DGLUCY: variants seen among roughly 807,000 people sequenced by gnomAD.
DGLUCY encodes D-glutamate cyclase, also known as D-glutamate cyclase, mitochondrial.
DGLUCY carries 58 observed loss-of-function variants against 58.5 expected under a neutral mutation model. That is an observed-to-expected ratio of 0.99 (90% CI 0.80 to 1.23). DGLUCY has a LOEUF of 1.23. Among genes scored for constraint, DGLUCY ranks in the 50% most tolerant of loss-of-function variants. DGLUCY has a pLI of 0.00. For missense variants in DGLUCY, 779 were observed against 784.7 expected (o/e 0.99, Z 0.09); for synonymous variants, 325 against 314.1 (o/e 1.03, Z -0.37).
At chr14:91,198,344 T>C (rs1435466543) in intron 10 of DGLUCY, among the ~76,000 whole-genome samples, 4 of 99,300 alleles carry the variant, frequency 4.0e-5, no homozygotes, top group Admixed American at 9.1e-5. Flanking sequence ...GTGCCCAGCC[T>C]TTTTTTTTTT....
intron 1 of DGLUCY, among the ~76,000 whole-genome samples, chr14:91,063,531 G>A (rs1029185130): frequency 6.6e-6 from 1 of 152,196 alleles, no homozygotes; most frequent in African/African-American, 2.4e-5. Flanking sequence ...TGTGATGTGA[G>A]CAATACATAC....
upstream of DGLUCY, among the ~76,000 whole-genome samples, chr14:91,103,266 A>T (rs748613124): frequency 6.6e-6 from 1 of 152,126 alleles, no homozygotes; most frequent in Non-Finnish European, 1.5e-5. Context: ...TTCTCACACC[A>T]CATGGGCTGG....
intron 1 of DGLUCY, among the ~76,000 whole-genome samples, chr14:91,102,031 A>C (rs1312054649): frequency 6.7e-6 from 1 of 148,358 alleles, no homozygotes; most frequent in Non-Finnish European, 1.5e-5. Flanking sequence ...AGAATAATTC[A>C]AATGTTCCTG....
intron 13 of DGLUCY, among the ~76,000 whole-genome samples, chr14:91,222,612 GCT>G: frequency 6.6e-6 from 1 of 152,298 alleles, no homozygotes; most frequent in East Asian, 1.9e-4. Context: ...AGAAATGCAG[GCT>G]CTCAGGCCAG....
At chr14:91,220,467 GT>G (rs2140783322) in intron 13 of DGLUCY, 1 of 456,362 alleles carries the variant, frequency 2.2e-6, no homozygotes, top group East Asian at 6.9e-5. Flanking sequence ...GTGTCAGGGT[GT>G]CCCTGAGCCA....
intron 1 of DGLUCY, among the ~76,000 whole-genome samples, chr14:91,097,676 C>CTTT (rs796737178): frequency 7.0e-6 from 1 of 143,038 alleles, no homozygotes; most frequent in African/African-American, 2.6e-5. Flanking sequence ...CCTCCCCTCC[C>CTTT]TTTTTTTTTT....
At chr14:91,092,759 C>G (rs2044334173) in intron 1 of DGLUCY, among the ~76,000 whole-genome samples, 1 of 152,204 alleles carries the variant, frequency 6.6e-6, no homozygotes, top group African/African-American at 2.4e-5. Flanking sequence ...CCAGACATCT[C>G]TCTGCGGCTA....
chr14:91,224,785 C>T lies in DGLUCY; in HGVS notation c.1818C>T (p.His606=), dbSNP rs778818404. ...ATGGGCTGCCCTTCCACAACACCCACGCCGAGATGATCCAGAAGCTGGTGG... is the reference window on the plus strand; with the variant it reads ...ATGGGCTGCCCTTCCACAACACCCATGCCGAGATGATCCAGAAGCTGGTGG... ...EVDGLPFHNT[H]AEMIQKLVDV... The change falls in exon 14 of 14, where the codon CAC becomes CAT. Residue 606 remains histidine (H), a synonymous_variant. Transcript: ENST00000256324. 2.4e-5 allele frequency: 38 copies of T among 1,613,488 alleles called. No individual in the cohort carries two copies. Among genetic ancestry groups the T allele is most frequent in the East Asian group, 6.7e-5 (3 of 44,882 alleles).
intron 3 of DGLUCY, 36 bp from the exon 4 acceptor site, chr14:91,167,189 T>C: frequency 6.5e-7 from 1 of 1,547,226 alleles, no homozygotes; most frequent in Middle Eastern, 2.3e-4. Flanking sequence ...AAGAAACCGC[T>C]GACTATACAT....
upstream of DGLUCY, among the ~76,000 whole-genome samples, chr14:91,103,013 C>T (rs2044520376): frequency 6.6e-6 from 1 of 152,070 alleles, no homozygotes; most frequent in South Asian, 2.1e-4. Flanking sequence ...CCGCCTGTCT[C>T]AGCCTCCCAA....
rs765951969 is a variant in DGLUCY at position 91,181,322 on chromosome 14, C to T, written c.867C>T (p.Tyr289=). The change falls in exon 8 of 14, where the codon TAC becomes TAT. Residue 289 remains tyrosine, a synonymous_variant. Transcript: ENST00000256324. ...ACATTTCCCAAGATCCTCTGCACTA[C>T]AGCATCGCGTCAGTCTCTGCTTCTC... ...VHHISQDPLH[Y]SIASVSASQK... The T allele has an allele frequency of 6.2e-7, 1 of 1,614,206 alleles. No individual in the cohort carries two copies.
At chr14:91,130,817 A>G (rs1486628429) in intron 1 of DGLUCY, among the ~76,000 whole-genome samples, 1 of 151,736 alleles carries the variant, frequency 6.6e-6, no homozygotes, top group East Asian at 1.9e-4. Flanking sequence ...TTATAAACCA[A>G]CTGTTTTTTC....
intron 11 of DGLUCY, among the ~76,000 whole-genome samples, chr14:91,202,619 G>A (rs112445574): frequency 6.6e-6 from 1 of 152,194 alleles, no homozygotes; most frequent in African/African-American, 2.4e-5. Context: ...GGCTGGGCAG[G>A]CAGAGGACCT....
intron 1 of DGLUCY, among the ~76,000 whole-genome samples, chr14:91,088,093 A>G (rs984406612): frequency 1.4e-4 from 21 of 152,152 alleles, no homozygotes; most frequent in African/African-American, 4.8e-4. Flanking sequence ...TTCCAGGCAG[A>G]GAAGGTGAGC....
chr14:91,218,058 T>C (rs2140759226), intron 13 of DGLUCY, among the ~76,000 whole-genome samples: 1 of 152,296 alleles, frequency 6.6e-6, no homozygotes, highest in South Asian at 2.1e-4. Context: ...TCTCTGTGCT[T>C]TTCCCAATTC....
At chr14:91,142,881 A>T (rs1278752732) in intron 1 of DGLUCY, among the ~76,000 whole-genome samples, 2 of 127,592 alleles carry the variant, frequency 1.6e-5, no homozygotes, top group Non-Finnish European at 3.4e-5. Flanking sequence ...ACACACACAC[A>T]CTAGCCGGCG....
intron 1 of DGLUCY, among the ~76,000 whole-genome samples, chr14:91,086,591 T>G (rs922893724): frequency 6.6e-6 from 1 of 152,200 alleles, no homozygotes; most frequent in Non-Finnish European, 1.5e-5. Flanking sequence ...CCTTTCATTT[T>G]TTTTTCTGAA....
chr14:91,091,600 A>C (rs1393061075), intron 1 of DGLUCY, among the ~76,000 whole-genome samples: 1 of 152,216 alleles, frequency 6.6e-6, no homozygotes, highest in East Asian at 1.9e-4. Flanking sequence ...CTTTTCCTGA[A>C]CGTGGAAATA....
intron 1 of DGLUCY, among the ~76,000 whole-genome samples, chr14:91,156,596 G>T (rs1176344577): frequency 1.3e-5 from 2 of 152,184 alleles, no homozygotes; most frequent in Non-Finnish European, 2.9e-5. Flanking sequence ...GAAGTTTGGG[G>T]CTTGTCAGAT....
Sources: gnomAD v4.1 joint callset for allele counts (sites outside exome capture counted in the v4.1 genomes callset) on GRCh38, gnomAD v4.1.1 for gene constraint, MANE v1.5 for transcripts, NCBI Gene and HGNC (gene_info 2026-07-23, HGNC 2026-07-21) for gene names.